The following KCNK3 variants were observed in gnomAD, a reference collection of about 807,000 sequenced individuals.
The protein encoded by KCNK3 is potassium two pore domain channel subfamily K member 3, also known as potassium channel subfamily K member 3.
In KCNK3, 9 loss-of-function variants were observed where a neutral mutation model predicts 27.3. That is an observed-to-expected ratio of 0.33 (90% CI 0.20 to 0.57). The LOEUF is 0.57. Among genes scored for constraint, KCNK3 ranks in the 20% least tolerant of loss-of-function variants. The pLI, the probability that KCNK3 is intolerant of heterozygous loss-of-function variation, is 0.87. For synonymous variants in KCNK3, 278 were observed against 273.8 expected (o/e 1.02, Z -0.15); for missense variants, 391 against 577.7 (o/e 0.68, Z 3.31).
chr2:26,699,613 A>T (rs1558595049), intron 1 of KCNK3, among the ~76,000 whole-genome samples: 1 of 152,256 alleles, frequency 6.6e-6, no homozygotes, highest in Non-Finnish European at 1.5e-5. Context: ...GTCAGCCAGC[A>T]GCAAGTGGAG....
intron 1 of KCNK3, among the ~76,000 whole-genome samples, chr2:26,697,755 G>A (rs532497272): frequency 3.3e-5 from 5 of 152,164 alleles, no homozygotes; most frequent in African/African-American, 1.2e-4. Flanking sequence ...ATGGGGCTGG[G>A]GCAGAAAACC....
Position 26,693,257 on chromosome 2 carries a change from A to T in KCNK3, c.283+99A>T, listed in dbSNP as rs1324108163. 1.7e-6 allele frequency: 2 copies of T among 1,178,260 alleles called. No individual in the cohort carries two copies. The highest frequency in any genetic ancestry group is 2.2e-6 in the Non-Finnish European group (2 of 890,524). The allele number at this position is 1,178,260 out of a possible 1,614,324, so 73.0% of individuals were successfully genotyped here. A position where few individuals can be genotyped will look rare whatever the true frequency, so the allele number is the denominator to read the frequency against. Reference sequence around the variant, plus strand: ...GGGGCTGGGGGCGGGGGCTCCCCCGAGAGGGGCTGGGCGCCGAACCCTGCG... The same window carrying T: ...GGGGCTGGGGGCGGGGGCTCCCCCGTGAGGGGCTGGGCGCCGAACCCTGCG... On this transcript the variant is annotated intron_variant, in intron 1 of 1. Transcript: ENST00000302909. The surrounding 1 kb of genome is among the most constrained non-coding windows in gnomAD (Gnocchi z 5.5).
chr2:26,705,722 G>A (rs992656421), intron 1 of KCNK3, among the ~76,000 whole-genome samples: 4 of 152,230 alleles, frequency 2.6e-5, no homozygotes, highest in Non-Finnish European at 5.9e-5. Context: ...CTTGGTTCCC[G>A]GCCTTTGTCC....
chr2:26,710,603 G>A (rs1468747293), intron 1 of KCNK3, among the ~76,000 whole-genome samples: 2 of 152,160 alleles, frequency 1.3e-5, no homozygotes, highest in African/African-American at 4.8e-5. Context: ...AGCCCTGGCA[G>A]GAGATGGGGG....
At chr2:26,709,022 G>A (rs1047785876) in intron 1 of KCNK3, among the ~76,000 whole-genome samples, 25 of 152,140 alleles carry the variant, frequency 1.6e-4, no homozygotes, top group African/African-American at 5.8e-4. Context: ...TGGAGGAGAG[G>A]GCTGTAGGAG....
intron 1 of KCNK3, among the ~76,000 whole-genome samples, chr2:26,703,884 G>A (rs537051217): frequency 1.3e-5 from 2 of 152,306 alleles, no homozygotes; most frequent in East Asian, 1.9e-4. Context: ...CATGACACAC[G>A]CCAGGGCATG....
At chr2:26,711,815 G>A (rs1558599191) in intron 1 of KCNK3, among the ~76,000 whole-genome samples, 2 of 152,136 alleles carry the variant, frequency 1.3e-5, no homozygotes, top group Admixed American at 1.3e-4. Flanking sequence ...TTAATCATTC[G>A]AATAAAGTCA....
chr2:26,695,191 G>A (rs1022482764), intron 1 of KCNK3, among the ~76,000 whole-genome samples: 3 of 152,100 alleles, frequency 2.0e-5, no homozygotes, highest in African/African-American at 7.2e-5. Context: ...TGCCTGTCTG[G>A]CATGCCTTTT....
chr2:26,722,755 A>G (rs773218294), intron 1 of KCNK3, among the ~76,000 whole-genome samples: 3 of 152,278 alleles, frequency 2.0e-5, no homozygotes, highest in Non-Finnish European at 4.4e-5. Context: ...TGATTTATTC[A>G]GTGCCTGCTC....
At position 26,729,313 on chromosome 2, in the gene KCNK3, C is replaced by T. The variant is rs1183298302; in HGVS notation, c.*745C>T. The T allele has an allele frequency of 6.6e-6, 1 of 152,282 alleles. No homozygotes were observed. The highest frequency in any genetic ancestry group is 1.5e-5 in the Non-Finnish European group (1 of 68,056). 9.4% of individuals were successfully genotyped at this position (152,282 alleles called of 1,614,324 possible). A position where few individuals can be genotyped will look rare whatever the true frequency, so the allele number is the denominator to read the frequency against. ...AGGTAGGACTTCAGCCTTCCAGACA[C>T]TGCCCTTAGAATCTGGAACAGAAGA... On this transcript the variant is annotated 3_prime_UTR_variant, in exon 2 of 2. Coordinates refer to ENST00000302909, the MANE Select transcript of KCNK3 (RefSeq NM_002246.3).
chr2:26,706,108 C>G (rs946833058), intron 1 of KCNK3, among the ~76,000 whole-genome samples: 6 of 152,182 alleles, frequency 3.9e-5, no homozygotes, highest in African/African-American at 1.4e-4. Context: ...GTATTCCATA[C>G]TTGGGAGGCT....
chr2:26,724,624 T>C, intron 1 of KCNK3: 1 of 985,226 alleles, frequency 1.0e-6, no homozygotes, highest in Non-Finnish European at 1.2e-6. Context: ...CCTGGGGGCA[T>C]GTGACCCCAA....
At chr2:26,708,891 AAG>A (rs1663045640) in intron 1 of KCNK3, among the ~76,000 whole-genome samples, 2 of 152,116 alleles carry the variant, frequency 1.3e-5, no homozygotes, top group African/African-American at 4.8e-5. Flanking sequence ...AACCCCTCCA[AAG>A]AGAGGATGGT....
rs566758802 is a variant in KCNK3, at chr2:26,712,614, G to T, written c.284-15053G>T. Among the ~76,000 whole-genome samples, 27 of 152,130 alleles carry T rather than the reference G, an allele frequency of 1.8e-4. No individual in the cohort carries two copies. The South Asian group carries it at 5.0e-3, about 28-fold the overall frequency. ...TGTCCACCCTATAACCTATCGGGAT[G>T]GTGGGCAGAGGCGTGCCCAGAGGCC... is the stretch of plus-strand genomic sequence containing the variant. On this transcript the variant is annotated intron_variant, in intron 1 of 1. Transcript: ENST00000302909.
chr2:26,724,329 T>C (rs1402845173), intron 1 of KCNK3, among the ~76,000 whole-genome samples: 1 of 152,242 alleles, frequency 6.6e-6, no homozygotes, highest in Admixed American at 6.5e-5. Context: ...CGCCTGAGGC[T>C]GATGCCCAAG....
At position 26,692,953 on chromosome 2, in the gene KCNK3, C is replaced by G; in HGVS notation, c.78C>G (p.Phe26Leu). 1 of 1,557,140 alleles carries G rather than the reference C, an allele frequency of 6.4e-7. No homozygotes were observed. The highest frequency in any genetic ancestry group is 8.7e-7 in the Non-Finnish European group (1 of 1,155,620). Residue 26 changes from phenylalanine to leucine, a missense_variant, in exon 1 of 2, where the codon TTC becomes TTG. Coordinates refer to ENST00000302909, the MANE Select transcript of KCNK3 (RefSeq NM_002246.3). This position sits in a 1 kb window ranked among gnomAD's most constrained non-coding sequence, Gnocchi z 5.6. ...ACCTGCTGGTGGGCGCCGCGGTCTT[C>G]GACGCGCTGGAGTCGGAGCCCGAGC... ...FTYLLVGAAV[F>L]DALESEPELI... is the part of the protein sequence containing the mutation.
In KCNK3 at chr2:26,729,513, G is replaced by A. The variant is rs543755314; in HGVS notation, c.*945G>A. 1 of 152,336 alleles carries A rather than the reference G, an allele frequency of 6.6e-6. No individual in the cohort carries two copies. Among genetic ancestry groups the A allele is most frequent in the East Asian group, 1.9e-4 (1 of 5,182 alleles). The allele number at this position is 152,336 out of a possible 1,614,324, so 9.4% of individuals were successfully genotyped here. On this transcript the variant is annotated 3_prime_UTR_variant, in exon 2 of 2. Transcript: ENST00000302909. ...TTACAGATGAGAATACTGAGGCCTG[G>A]ACAGGTGAAGTGACCAGAGAGCAAA...
chr2:26,707,340 G>A (rs1670388015), intron 1 of KCNK3, among the ~76,000 whole-genome samples: 1 of 152,214 alleles, frequency 6.6e-6, no homozygotes, highest in African/African-American at 2.4e-5. Flanking sequence ...CTTCCGACAG[G>A]GAGTGGCCAG....
chr2:26,719,628 A>G (rs960798013), intron 1 of KCNK3, among the ~76,000 whole-genome samples: 2 of 152,220 alleles, frequency 1.3e-5, no homozygotes, highest in Non-Finnish European at 2.9e-5. Context: ...TGAAGTTTTC[A>G]AAGTGCTTCC....
Sources: gnomAD v4.1 joint callset for allele counts (sites outside exome capture counted in the v4.1 genomes callset) on GRCh38, gnomAD v4.1.1 for gene constraint, Gnocchi (gnomAD v3.1) non-coding constraint, MANE v1.5 for transcripts, NCBI Gene and HGNC (gene_info 2026-07-23, HGNC 2026-07-21) for gene names.